AFG1L: variants seen among roughly 807,000 people sequenced by gnomAD.
AFG1L encodes AFG1-like ATPase.
AFG1L carries 53 observed loss-of-function variants against 62.2 expected under a neutral mutation model. That is an observed-to-expected ratio of 0.85 (90% CI 0.68 to 1.07). The LOEUF (loss-of-function observed/expected upper bound fraction) is 1.07, where lower values mean the gene tolerates loss of function less well. Ranked by LOEUF, AFG1L falls within the 50% of genes least tolerant of loss-of-function variation. The probability of loss-of-function intolerance (pLI) is 0.00; values close to 1 mark genes in which losing one functional copy is unlikely to be tolerated. For synonymous variants in AFG1L, 228 were observed against 210.3 expected, an observed-to-expected ratio of 1.08 and a Z score of -0.73; for missense variants, 555 against 590.5, an observed-to-expected ratio of 0.94 and a Z score of 0.62.
chr6:108,390,436 G>A (rs2114590513), intron 6 of AFG1L, among the ~76,000 whole-genome samples: 1 of 152,350 alleles, frequency 6.6e-6, no homozygotes, highest in African/African-American at 2.4e-5. Context: ...TGGAGGGGGA[G>A]AGGTGCTCTG....
rs557897798 is a variant in AFG1L, at chr6:108,477,082, G to A, written c.962-110G>A. The A allele has an allele frequency of 1.3e-5, 13 of 1,002,304 alleles. No individual in the cohort carries two copies. In the Admixed American group the frequency reaches 2.5e-4, roughly 19 times the overall value. The allele number at this position is 1,002,304 out of a possible 1,614,324, so 62.1% of individuals were successfully genotyped here. A position where few individuals can be genotyped will look rare whatever the true frequency, so the allele number is the denominator to read the frequency against. On this transcript the variant is annotated intron_variant, in intron 9 of 12. Transcript: ENST00000368977. ...TGTATCAGCATTTTGTCTAATTTAT[G>A]TGTTGAATCATGTGCTATTATTCAT...
chr6:108,377,774 T>C (rs1263011088), intron 6 of AFG1L, among the ~76,000 whole-genome samples: 1 of 152,028 alleles, frequency 6.6e-6, no homozygotes, highest in Non-Finnish European at 1.5e-5. Context: ...TCTGGATTTC[T>C]TGTGTCTGGA....
intron 8 of AFG1L, among the ~76,000 whole-genome samples, chr6:108,451,792 C>T (rs191632019): frequency 1.3e-5 from 2 of 152,122 alleles, no homozygotes; most frequent in East Asian, 3.9e-4. Context: ...GATCTCGGCT[C>T]ACTGCAACCT....
intron 11 of AFG1L, among the ~76,000 whole-genome samples, chr6:108,513,480 T>C (rs567774282): frequency 2.6e-5 from 4 of 152,312 alleles, no homozygotes; most frequent in Middle Eastern, 3.4e-3. Context: ...CGCGCATGGC[T>C]TGGAGGGTTC....
intron 2 of AFG1L, among the ~76,000 whole-genome samples, chr6:108,333,591 T>TCTCTGCA: frequency 6.6e-6 from 1 of 151,698 alleles, no homozygotes; most frequent in Non-Finnish European, 1.5e-5. Context: ...CAAATAATAA[T>TCTCTGCA]AATAATAAAG....
intron 10 of AFG1L, among the ~76,000 whole-genome samples, chr6:108,496,801 AT>A (rs1773989893): frequency 6.6e-6 from 1 of 152,206 alleles, no homozygotes; most frequent in Admixed American, 6.5e-5. Context: ...AACAAGTAAC[AT>A]TTTAAATATA....
At chr6:108,495,521 A>T (rs1773941007) in intron 10 of AFG1L, among the ~76,000 whole-genome samples, 1 of 152,226 alleles carries the variant, frequency 6.6e-6, no homozygotes, top group Non-Finnish European at 1.5e-5. Flanking sequence ...AGGTGGTCTG[A>T]TGGTAATGCT....
chr6:108,426,827 C>T (rs1250054422), intron 7 of AFG1L, among the ~76,000 whole-genome samples: 1 of 152,120 alleles, frequency 6.6e-6, no homozygotes, highest in Non-Finnish European at 1.5e-5. Context: ...TTCCCTCTTC[C>T]CATCCCTCCT....
Position 108,522,211 on chromosome 6 carries a change from C to T in AFG1L, c.1318-86C>T. 2 of 1,320,800 alleles carry T rather than the reference C, an allele frequency of 1.5e-6. 1 individual carries two copies. The highest frequency in any genetic ancestry group is 2.6e-5 in the South Asian group (2 of 76,476). 81.8% of individuals were successfully genotyped at this position (1,320,800 alleles called of 1,614,324 possible). A position where few individuals can be genotyped will look rare whatever the true frequency, so the allele number is the denominator to read the frequency against. Reference sequence around the variant, plus strand: ...AAAGGCATAATCTAAACCGGTAAGCCTAAAAAGTTTTTTTAAACCTATACT... The same window carrying T: ...AAAGGCATAATCTAAACCGGTAAGCTTAAAAAGTTTTTTTAAACCTATACT... On this transcript the variant is annotated intron_variant, in intron 12 of 12. Transcript: ENST00000368977.
At chr6:108,335,186 G>A (rs1396581825) in intron 2 of AFG1L, among the ~76,000 whole-genome samples, 2 of 151,990 alleles carry the variant, frequency 1.3e-5, no homozygotes, top group Non-Finnish European at 2.9e-5. Flanking sequence ...AGCCAGGCTG[G>A]TCTTGAATTC....
chr6:108,303,522 A>T (rs1221758602), intron 1 of AFG1L, among the ~76,000 whole-genome samples: 1 of 152,126 alleles, frequency 6.6e-6, no homozygotes, highest in Non-Finnish European at 1.5e-5. Context: ...TTGCCTGGAG[A>T]TACCTGATAC....
intron 7 of AFG1L, among the ~76,000 whole-genome samples, chr6:108,428,713 A>G (rs1319685945): frequency 6.6e-6 from 1 of 151,964 alleles, no homozygotes; most frequent in Non-Finnish European, 1.5e-5. Context: ...GATACTGAGC[A>G]TTTTTCCATA....
rs181860873 is a variant in AFG1L, at chr6:108,433,099, A to C, written c.808-14115A>C. Among the ~76,000 whole-genome samples the C allele has an allele frequency of 1.4e-4, 21 of 152,268 alleles. No individual in the cohort carries two copies. In the East Asian group the frequency reaches 3.9e-3, roughly 28 times the overall value. ...AATCCTGCCGTGGGATGAAATTGTTACTTTGAAGAGGGCAGAAATGACAGA... is the reference window on the plus strand; with the variant it reads ...AATCCTGCCGTGGGATGAAATTGTTCCTTTGAAGAGGGCAGAAATGACAGA... On this transcript the variant is annotated intron_variant, in intron 7 of 12. Transcript: ENST00000368977.
chr6:108,356,456 AGAAAT>A (rs1779291581), intron 4 of AFG1L, among the ~76,000 whole-genome samples: 1 of 152,258 alleles, frequency 6.6e-6, no homozygotes, highest in Non-Finnish European at 1.5e-5. Context: ...ATTAAAGAGT[AGAAAT>A]GAAATGACCT....
At chr6:108,421,905 A>C (rs1437748502) in intron 7 of AFG1L, among the ~76,000 whole-genome samples, 1 of 152,124 alleles carries the variant, frequency 6.6e-6, no homozygotes, top group African/African-American at 2.4e-5. Context: ...AAAAATTATC[A>C]CATAAAAGAT....
intron 6 of AFG1L, among the ~76,000 whole-genome samples, chr6:108,401,061 C>T (rs539785611): frequency 2.7e-4 from 41 of 150,662 alleles, no homozygotes; most frequent in African/African-American, 1.0e-3. Flanking sequence ...TTCCACCTCC[C>T]TGGTTCAAGT....
chr6:108,320,032 A>AT (rs1365330250), intron 1 of AFG1L, among the ~76,000 whole-genome samples: 1 of 152,140 alleles, frequency 6.6e-6, no homozygotes, highest in African/African-American at 2.4e-5. Context: ...TCTATGGAAG[A>AT]TTTTGTATGT....
chr6:108,377,119 A>G (rs1309383002), intron 6 of AFG1L, among the ~76,000 whole-genome samples: 1 of 147,834 alleles, frequency 6.8e-6, no homozygotes, highest in African/African-American at 2.5e-5. Context: ...CCACCCCTTT[A>G]CTTGGAGCGT....
chr6:108,374,705 C>A (rs150549015), intron 6 of AFG1L, among the ~76,000 whole-genome samples: 1 of 152,116 alleles, frequency 6.6e-6, no homozygotes, highest in East Asian at 1.9e-4. Context: ...TGTTTTGGTA[C>A]CAGTACCATG....
Sources: gnomAD v4.1 joint callset for allele counts (sites outside exome capture counted in the v4.1 genomes callset) on GRCh38, gnomAD v4.1.1 for gene constraint, MANE v1.5 for transcripts, NCBI Gene and HGNC (gene_info 2026-07-23, HGNC 2026-07-21) for gene names.